The following CA14 variants were observed in gnomAD, a reference collection of about 807,000 sequenced individuals.
The protein encoded by CA14 is carbonic anhydrase 14, also known as CA-XIV.
CA14 carries 44 observed loss-of-function variants against 48.8 expected under a neutral mutation model. The observed-to-expected ratio is 0.90, with a 90% CI of 0.71 to 1.16. CA14 has a LOEUF of 1.16. Among genes scored for constraint, CA14 ranks in the 50% most tolerant of loss-of-function variants. The probability of loss-of-function intolerance (pLI) is 0.00; values close to 1 mark genes in which losing one functional copy is unlikely to be tolerated. For synonymous variants in CA14, 154 were observed against 155.0 expected (o/e 0.99, Z 0.05); for missense variants, 386 against 401.0 (o/e 0.96, Z 0.32).
Position 150,263,219 on chromosome 1 carries a change from G to C in CA14, c.720+20G>C. On this transcript the variant is annotated intron_variant, in intron 7 of 10. Transcript: ENST00000369111. Reference sequence around the variant, plus strand: ...GAACAGGTAAGTGGTGGAGAAACGAGGTGAGGTGAGACACAGTTGTAACTT... The same window carrying C: ...GAACAGGTAAGTGGTGGAGAAACGACGTGAGGTGAGACACAGTTGTAACTT... 1.2e-6 allele frequency: 2 copies of C among 1,613,966 alleles called. No homozygotes were observed. Among genetic ancestry groups the C allele is most frequent in the Non-Finnish European group, 8.5e-7 (1 of 1,179,918 alleles).
At chr1:150,261,250 G>C in intron 2 of CA14, 3 of 568,452 alleles carry the variant, frequency 5.3e-6, no homozygotes, top group Non-Finnish European at 3.1e-6. Flanking sequence ...CCTCTGGGTA[G>C]GGAAGGGGAA....
In CA14 at chr1:150,263,669, G is replaced by A. The variant is rs782474426; in HGVS notation, c.852G>A (p.Ser284=). 3.3e-5 allele frequency: 53 copies of A among 1,613,880 alleles called. No homozygotes were observed. The highest frequency in any genetic ancestry group is 1.6e-4 in the Middle Eastern group (1 of 6,074). ...TTTCTTCTCTTACAGCAGGATCCTC[G>A]TATACCACAGGTAAGCCAGCCTTAT... The part of the protein sequence containing the change: ...VFASFIQAGS[S]YTTGEMLSLG... Residue 284 remains serine (S), a synonymous_variant, in exon 9 of 11, where the codon TCG becomes TCA. Transcript: ENST00000369111.
chr1:150,257,835 AGTCGCT>A lies in CA14; in HGVS notation c.-292_-287del. 1 of 215,398 alleles carries A rather than the reference AGTCGCT, an allele frequency of 4.6e-6. No individual in the cohort carries two copies. The highest frequency in any genetic ancestry group is 9.3e-6 in the Non-Finnish European group (1 of 107,842). 13.3% of individuals were successfully genotyped at this position (215,398 alleles called of 1,614,324 possible). A position where few individuals can be genotyped will look rare whatever the true frequency, so the allele number is the denominator to read the frequency against. On this transcript the variant is annotated 5_prime_UTR_variant, in exon 1 of 11. Transcript: ENST00000369111. Reference sequence around the variant, plus strand: ...CCTTAAAAGCAGGAGGCAGTTGTAAAGTCGCTGGCCAGCTAGTGGAGTGGAGACTGC... The same window carrying A: ...CCTTAAAAGCAGGAGGCAGTTGTAAAGGCCAGCTAGTGGAGTGGAGACTGC...
chr1:150,257,932 T>A lies in CA14; in HGVS notation c.-197T>A, dbSNP rs1243458947. 1 of 410,916 alleles carries A rather than the reference T, an allele frequency of 2.4e-6. No homozygotes were observed. The highest frequency in any genetic ancestry group is 4.5e-6 in the Non-Finnish European group (1 of 224,368). 25.5% of individuals were successfully genotyped at this position (410,916 alleles called of 1,614,324 possible). ...TTTGTCCTGGGGATCCAGAAACCCA[T>A]GATACCCTACTGAACACCGAATCCC... On this transcript the variant is annotated 5_prime_UTR_variant, in exon 1 of 11. It removes an upstream start codon present in the reference 5' UTR. Transcript: ENST00000369111.
In CA14 at chr1:150,263,158, T is replaced by G; in HGVS notation, c.679T>G (p.Trp227Gly). The change falls in exon 7 of 11, where the codon TGG becomes GGG. Residue 227 changes from tryptophan to glycine, a missense_variant. Transcript: ENST00000369111. ...TTPPCYQSVLWTVFYRRSQIS... is the reference protein window; with the variant it reads ...TTPPCYQSVLGTVFYRRSQIS... ...TCCCCCTTGCTACCAGAGTGTGCTC[T>G]GGACAGTTTTTTATAGAAGGTCCCA... is the stretch of plus-strand genomic sequence containing the variant. 1.9e-6 allele frequency: 3 copies of G among 1,614,178 alleles called. No individual in the cohort carries two copies. Among genetic ancestry groups the G allele is most frequent in the Non-Finnish European group, 2.5e-6 (3 of 1,180,018 alleles).
intron 4 of CA14, 78 bp from the exon 5 acceptor site, chr1:150,262,447 G>GGGAT: frequency 6.8e-7 from 1 of 1,478,522 alleles, no homozygotes; most frequent in East Asian, 2.3e-5. Context: ...GGACAGCGGG[G>GGGAT]GGATGGTGGC....
chr1:150,263,456 G>A, intron 8 of CA14, 37 bp downstream of exon 8: 1 of 1,611,872 alleles, frequency 6.2e-7, no homozygotes, highest in South Asian at 1.1e-5. Flanking sequence ...GGGAAACTGA[G>A]GGGGACACAA....
chr1:150,258,588 G>A (rs191473760), intron 1 of CA14, among the ~76,000 whole-genome samples: 3 of 152,256 alleles, frequency 2.0e-5, no homozygotes, highest in Admixed American at 2.0e-4. Context: ...GGGGGTAGGG[G>A]GAAGAATACT....
intron 2 of CA14, 58 bp from the exon 3 acceptor site, chr1:150,261,401 T>C: frequency 6.8e-7 from 1 of 1,476,208 alleles, no homozygotes; most frequent in South Asian, 1.2e-5. Context: ...GAGGGGGTGC[T>C]GTTGAAGGGT....
At position 150,263,979 on chromosome 1, in the gene CA14, A is replaced by G; in HGVS notation, c.947+101A>G. On this transcript the variant is annotated intron_variant, in intron 10 of 10. Transcript: ENST00000369111. ...TGCTCTGTTACTCAGTCTGGAGTGC[A>G]GTGGTGTGCAATCTCAGCTCACTGC... The G allele has an allele frequency of 4.8e-6, 4 of 836,138 alleles. No homozygotes were observed. The Admixed American group carries it at 7.3e-5, about 15-fold the overall frequency. 51.8% of individuals were successfully genotyped at this position (836,138 alleles called of 1,614,324 possible).
Position 150,265,021 on chromosome 1 carries a change from CT to C in CA14, c.*363del, listed in dbSNP as rs1553849199. On this transcript the variant is annotated 3_prime_UTR_variant, in exon 11 of 11. Coordinates refer to ENST00000369111, the MANE Select transcript of CA14 (RefSeq NM_012113.3). The stretch of plus-strand genomic sequence containing the variant: ...GATCTCTCCTTAGGATAAAGAGTTG[CT>C]GTTGAAGTTGTATATTTTTGATCAA... The C allele has an allele frequency of 6.0e-6, 1 of 166,900 alleles. No individual in the cohort carries two copies. The highest frequency in any genetic ancestry group is 2.4e-5 in the African/African-American group (1 of 41,988). The allele number at this position is 166,900 out of a possible 1,614,324, so 10.3% of individuals were successfully genotyped here.
rs781995754 is a variant in CA14, at chr1:150,258,104, C to A, written c.-25C>A. 1 of 1,598,164 alleles carries A rather than the reference C, an allele frequency of 6.3e-7. No homozygotes were observed. The highest frequency in any genetic ancestry group is 1.1e-5 in the South Asian group (1 of 89,172). On this transcript the variant is annotated 5_prime_UTR_variant, in exon 1 of 11. Transcript: ENST00000369111. ...GTCCTCTAGTCCTCAAATTCCCAGT[C>A]CCCTGCACCCCTTCCTGGGACACTA...
At chr1:150,258,261 G>A (rs1452836314) in intron 1 of CA14, 78 bp downstream of exon 1, 1 of 1,254,228 alleles carries the variant, frequency 8.0e-7, no homozygotes, top group Non-Finnish European at 1.1e-6. Context: ...GGGGGGAGGA[G>A]AGGTGTGAAA....
At chr1:150,258,229 C>A in intron 1 of CA14, 46 bp downstream of exon 1, 2 of 1,538,016 alleles carry the variant, frequency 1.3e-6, no homozygotes, top group Non-Finnish European at 8.9e-7. Context: ...CTGATGTTCA[C>A]ATGTCGCCAG....
At position 150,261,453 on chromosome 1, in the gene CA14, C is replaced by T. The variant is rs1553847778; in HGVS notation, c.77-6C>T. The T allele has an allele frequency of 1.9e-6, 3 of 1,613,010 alleles. No homozygotes were observed. The highest frequency in any genetic ancestry group is 2.5e-6 in the Non-Finnish European group (3 of 1,179,382). ...CAGGACCAATGTCTTTGGTAACCCC[C>T]ACCAGGCCCACATGGTCAGGACCAT... On this transcript the variant is annotated splice_region_variant and splice_polypyrimidine_tract_variant and intron_variant, in intron 2 of 10. Transcript: ENST00000369111.
At chr1:150,262,696 T>C in intron 5 of CA14, 76 bp downstream of exon 5, 18 of 1,402,182 alleles carry the variant, frequency 1.3e-5, no homozygotes, top group Non-Finnish European at 1.8e-5. Context: ...GTTGCTGGCC[T>C]CCTTCCTATG....
chr1:150,263,856 T>C lies in CA14; in HGVS notation c.925T>C (p.Tyr309His). ...CTGTCTCTGCCTTCTCCTGGCTGTT[T>C]ATTTCATTGCTAGAAAGATTCGGTG... Reference protein sequence around the residue: ...VGCLCLLLAVYFIARKIRKKR... With the variant: ...VGCLCLLLAVHFIARKIRKKR... The change falls in exon 10 of 11, where the codon TAT (tyrosine) becomes CAT (histidine). Residue 309 changes from tyrosine (Y) to histidine (H), a missense_variant. Physicochemically the swap from Tyr to His is moderately conservative, Grantham distance 83. Coordinates refer to ENST00000369111, the MANE Select transcript of CA14 (RefSeq NM_012113.3). 2 of 1,613,726 alleles carry C rather than the reference T, an allele frequency of 1.2e-6. No individual in the cohort carries two copies. The highest frequency in any genetic ancestry group is 2.2e-5 in the South Asian group (2 of 91,076).
At position 150,263,028 on chromosome 1, in the gene CA14, T is replaced by C; in HGVS notation, c.563-14T>C. The C allele has an allele frequency of 6.2e-7, 1 of 1,613,772 alleles. No homozygotes were observed. The highest frequency in any genetic ancestry group is 1.1e-5 in the South Asian group (1 of 91,028). The stretch of plus-strand genomic sequence containing the variant: ...ACACTGAAAGGAAGATGAGTCCCAG[T>C]CTGTTCTCCCCAGATCAGAAGACCT... On this transcript the variant is annotated splice_polypyrimidine_tract_variant and intron_variant, in intron 6 of 10. Transcript: ENST00000369111.
chr1:150,258,982 G>A (rs1650773463), intron 1 of CA14, among the ~76,000 whole-genome samples: 1 of 152,148 alleles, frequency 6.6e-6, no homozygotes, highest in Non-Finnish European at 1.5e-5. Flanking sequence ...CAAATGGAGA[G>A]TCACAAATCT....
Sources: gnomAD v4.1 joint callset for allele counts (sites outside exome capture counted in the v4.1 genomes callset) on GRCh38, gnomAD v4.1.1 for gene constraint, MANE v1.5 for transcripts, NCBI Gene and HGNC (gene_info 2026-07-23, HGNC 2026-07-21) for gene names.